ABCA13: variants seen among roughly 807,000 people sequenced by gnomAD.
ABCA13 encodes the protein ATP binding cassette subfamily A member 13, also known as ATP-binding cassette sub-family A member 13.
A neutral mutation model predicts 478.7 loss-of-function variants in ABCA13; 476 were observed. The observed-to-expected ratio is 0.99, with a 90% CI of 0.92 to 1.07. ABCA13 has a LOEUF of 1.07. ABCA13 is among the 50% of genes least tolerant of loss of function. The probability of loss-of-function intolerance (pLI) is 0.00; values close to 1 mark genes in which losing one functional copy is unlikely to be tolerated. For synonymous variants in ABCA13, 2,252 were observed against 2,158.9 expected, an observed-to-expected ratio of 1.04 and a Z score of -1.20; for missense variants, 6,060 against 5,910.6, an observed-to-expected ratio of 1.03 and a Z score of -0.83.
intron 42 of ABCA13, among the ~76,000 whole-genome samples, chr7:48,441,350 C>T (rs1168999338): frequency 1.3e-5 from 2 of 152,122 alleles, no homozygotes; most frequent in African/African-American, 4.8e-5. Context: ...TATTGGTGCC[C>T]TCAAAGATTA....
chr7:48,570,234 C>A (rs1171305021), intron 55 of ABCA13, among the ~76,000 whole-genome samples: 2 of 148,760 alleles, frequency 1.3e-5, no homozygotes, highest in Non-Finnish European at 3.0e-5. Flanking sequence ...ACAATATTTT[C>A]TTCAAGTCTA....
chr7:48,327,111 G>T (rs753553564), intron 27 of ABCA13, among the ~76,000 whole-genome samples: 1 of 152,154 alleles, frequency 6.6e-6, no homozygotes, highest in Admixed American at 6.5e-5. Context: ...GTATTAGTCC[G>T]TCCTCACACT....
At chr7:48,335,312 G>A (rs1470555033) in intron 27 of ABCA13, 110 bp from the exon 28 acceptor site, 6 of 670,064 alleles carry the variant, frequency 9.0e-6, no homozygotes, top group Non-Finnish European at 4.8e-6. Context: ...TAGCTGGCCT[G>A]CAGGCAGATC....
chr7:48,608,534 G>A (rs907484833), intron 58 of ABCA13, among the ~76,000 whole-genome samples: 1 of 152,198 alleles, frequency 6.6e-6, no homozygotes, highest in Non-Finnish European at 1.5e-5. Flanking sequence ...GCCAGATACT[G>A]GAGGAATTGG....
At chr7:48,602,030 AG>A (rs2131485000) in intron 58 of ABCA13, among the ~76,000 whole-genome samples, 1 of 152,292 alleles carries the variant, frequency 6.6e-6, no homozygotes, top group South Asian at 2.1e-4. Context: ...TCTTTTGAGA[AG>A]TGTCTGTTCA....
chr7:48,229,790 C>T (rs1788781168), intron 6 of ABCA13, 35 bp from the exon 7 acceptor site: 1 of 1,612,198 alleles, frequency 6.2e-7, no homozygotes, highest in Non-Finnish European at 8.5e-7. Flanking sequence ...GCTAACTACC[C>T]ACTCATATTG....
chr7:48,574,297 C>T (rs753408866), intron 55 of ABCA13, among the ~76,000 whole-genome samples: 4 of 152,002 alleles, frequency 2.6e-5, no homozygotes, highest in East Asian at 1.9e-4. Context: ...TTACTAAATA[C>T]GTTTTTTAAA....
chr7:48,240,350 G>A (rs1334121834), intron 9 of ABCA13, among the ~76,000 whole-genome samples: 3 of 152,112 alleles, frequency 2.0e-5, no homozygotes, highest in Non-Finnish European at 4.4e-5. Context: ...ACACATACAT[G>A]TACATCGTGC....
rs551504230 is a variant in ABCA13, at chr7:48,578,388, C to T, written c.14355-1836C>T. Among the ~76,000 whole-genome samples, 5 of 152,086 alleles carry T rather than the reference C, an allele frequency of 3.3e-5. No individual in the cohort carries two copies. In the South Asian group the frequency reaches 6.2e-4, roughly 19 times the overall value. On this transcript the variant is annotated intron_variant, in intron 55 of 61. Transcript: ENST00000435803. Reference sequence around the variant, plus strand: ...TTTATATCAAGGTTTCAGGATACAACGTTAATATAGAAAAGTCATGTTTCC... The same window carrying T: ...TTTATATCAAGGTTTCAGGATACAATGTTAATATAGAAAAGTCATGTTTCC...
chr7:48,403,978 G>A (rs1370594108), intron 39 of ABCA13, 99 bp downstream of exon 39: 3 of 1,347,476 alleles, frequency 2.2e-6, no homozygotes, highest in Admixed American at 2.0e-5. Context: ...TCCCAGTGAG[G>A]CTACATTATC....
At chr7:48,467,739 A>G (rs1402497537) in intron 44 of ABCA13, among the ~76,000 whole-genome samples, 2 of 152,222 alleles carry the variant, frequency 1.3e-5, no homozygotes, top group Non-Finnish European at 2.9e-5. Flanking sequence ...AAAAGCCATA[A>G]TGATTTATTA....
chr7:48,509,847 C>T (rs1443683620), intron 50 of ABCA13, among the ~76,000 whole-genome samples: 1 of 152,154 alleles, frequency 6.6e-6, no homozygotes, highest in Non-Finnish European at 1.5e-5. Context: ...TGGAGCCCTC[C>T]TGAATGGGAT....
intron 28 of ABCA13, among the ~76,000 whole-genome samples, chr7:48,335,919 G>A (rs1356909975): frequency 6.6e-6 from 1 of 152,082 alleles, no homozygotes; most frequent in Non-Finnish European, 1.5e-5. Flanking sequence ...GTTTAGAATG[G>A]CCTGACTCCA....
intron 55 of ABCA13, among the ~76,000 whole-genome samples, chr7:48,546,426 G>A (rs1784815267): frequency 6.6e-6 from 1 of 151,408 alleles, no homozygotes; most frequent in Non-Finnish European, 1.5e-5. Context: ...GCATTAATAG[G>A]TCAATAGTTG....
At chr7:48,308,298 T>C (rs1801212228) in intron 23 of ABCA13, among the ~76,000 whole-genome samples, 1 of 152,172 alleles carries the variant, frequency 6.6e-6, no homozygotes, top group Non-Finnish European at 1.5e-5. Context: ...GTGATAACAA[T>C]GCCTTCTTCT....
intron 27 of ABCA13, among the ~76,000 whole-genome samples, chr7:48,322,489 A>G (rs1025110904): frequency 6.6e-6 from 1 of 152,172 alleles, no homozygotes; most frequent in Non-Finnish European, 1.5e-5. Context: ...CAGGTGGCAG[A>G]GATCAGAGAG....
intron 42 of ABCA13, among the ~76,000 whole-genome samples, chr7:48,454,517 AG>A (rs2129691392): frequency 6.7e-6 from 1 of 149,352 alleles, no homozygotes; most frequent in Admixed American, 6.6e-5. Flanking sequence ...AAGCGGGAGC[AG>A]GGAGGCGCAG....
rs903714644 is a variant in ABCA13 at position 48,246,116 on chromosome 7, C to T, written c.1659+86C>T. 7.1e-6 allele frequency: 10 copies of T among 1,417,274 alleles called. No homozygotes were observed. In the East Asian group the frequency reaches 7.6e-5, roughly 11 times the overall value. The allele number at this position is 1,417,274 out of a possible 1,614,324, so 87.8% of individuals were successfully genotyped here. A position where few individuals can be genotyped will look rare whatever the true frequency, so the allele number is the denominator to read the frequency against. On this transcript the variant is annotated intron_variant, in intron 13 of 61. Coordinates refer to ENST00000435803, the MANE Select transcript of ABCA13 (RefSeq NM_152701.5). Reference sequence around the variant, plus strand: ...GATGCTAATATTTAACCTGGAGTTTCGATGAGGAAAGTTTTGCCGTAAGCC... The same window carrying T: ...GATGCTAATATTTAACCTGGAGTTTTGATGAGGAAAGTTTTGCCGTAAGCC...
chr7:48,372,568 C>G, intron 33 of ABCA13, 71 bp downstream of exon 33: 1 of 1,225,644 alleles, frequency 8.2e-7, no homozygotes, highest in South Asian at 1.6e-5. Flanking sequence ...AAGACAAAAT[C>G]CCACCACTCT....
Sources: gnomAD v4.1 joint callset for allele counts (sites outside exome capture counted in the v4.1 genomes callset) on GRCh38, gnomAD v4.1.1 for gene constraint, MANE v1.5 for transcripts, NCBI Gene and HGNC (gene_info 2026-07-23, HGNC 2026-07-21) for gene names.